PPFIA2: variants seen among roughly 807,000 people sequenced by gnomAD.
PPFIA2 encodes the protein liprin-alpha-2.
Under a neutral mutation model 175.5 loss-of-function variants are expected in PPFIA2, and 46 were observed. The ratio of observed to expected loss-of-function variants is 0.26; its 90% CI spans 0.21 to 0.34. The LOEUF (loss-of-function observed/expected upper bound fraction) is 0.34. Ranked by LOEUF, PPFIA2 falls within the 10% of genes least tolerant of loss-of-function variation. The pLI, the probability that PPFIA2 is intolerant of heterozygous loss-of-function variation, is 1.00. For synonymous variants in PPFIA2, 568 were observed against 511.4 expected (o/e 1.11, Z -1.49); for missense variants, 1,179 against 1,506.1 (o/e 0.78, Z 3.60).
chr12:81,642,059 T>C (rs1287084550), intron 4 of PPFIA2, among the ~76,000 whole-genome samples: 1 of 152,164 alleles, frequency 6.6e-6, no homozygotes, highest in African/African-American at 2.4e-5. Flanking sequence ...TATCAAATAA[T>C]GGAGATGATT....
At chr12:81,490,478 A>G (rs2059311096) in intron 4 of PPFIA2, among the ~76,000 whole-genome samples, 1 of 151,922 alleles carries the variant, frequency 6.6e-6, no homozygotes, top group South Asian at 2.1e-4. Context: ...ACTTCTTCTC[A>G]TTTGAATGTT....
chr12:81,607,883 G>C (rs763968319), intron 4 of PPFIA2, among the ~76,000 whole-genome samples: 1 of 152,034 alleles, frequency 6.6e-6, no homozygotes, highest in African/African-American at 2.4e-5. Context: ...TTTCTCAAGG[G>C]GGACGGTTCT....
chr12:81,383,661 A>G (rs2038283307), intron 9 of PPFIA2, among the ~76,000 whole-genome samples: 1 of 152,162 alleles, frequency 6.6e-6, no homozygotes, highest in South Asian at 2.1e-4. Flanking sequence ...GGAACAATTT[A>G]AGGCATTTTT....
rs533770918 is a variant in PPFIA2, at chr12:81,335,599, C to T, written c.2548+3581G>A. Among the ~76,000 whole-genome samples the T allele has an allele frequency of 5.7e-4, 86 of 152,092 alleles. 1 individual carries two copies. The highest frequency in any genetic ancestry group is 1.2e-3 in the Admixed American group (19 of 15,270). On this transcript the variant is annotated intron_variant, in intron 21 of 32. Coordinates refer to ENST00000549396, the MANE Select transcript of PPFIA2 (RefSeq NM_003625.5). ...TCTCTACTGTAAATACAAAAATTAGCCAGGCATGGTGGTGGGTGCCTGTAA... is the reference window on the plus strand; with the variant it reads ...TCTCTACTGTAAATACAAAAATTAGTCAGGCATGGTGGTGGGTGCCTGTAA...
intron 4 of PPFIA2, among the ~76,000 whole-genome samples, chr12:81,472,328 A>C (rs2056865615): frequency 6.6e-6 from 1 of 152,198 alleles, no homozygotes; most frequent in South Asian, 2.1e-4. Context: ...AATGAATTGC[A>C]TTTTTAATGG....
chr12:81,739,445 A>G (rs1452504486), intron 3 of PPFIA2, among the ~76,000 whole-genome samples: 3 of 152,002 alleles, frequency 2.0e-5, no homozygotes, highest in African/African-American at 4.8e-5. Context: ...TTTAAAATAA[A>G]CTTTTCTATA....
chr12:81,288,306 A>C (rs2044008921), intron 24 of PPFIA2, among the ~76,000 whole-genome samples: 2 of 151,934 alleles, frequency 1.3e-5, no homozygotes, highest in Admixed American at 1.3e-4. Flanking sequence ...TAATTTAAGG[A>C]AACATTCACT....
At chr12:81,748,190 T>C (rs1426469150) in intron 3 of PPFIA2, among the ~76,000 whole-genome samples, 1 of 144,178 alleles carries the variant, frequency 6.9e-6, no homozygotes, top group East Asian at 2.1e-4. Context: ...TCAATTATCT[T>C]TTCTAGTTTT....
chr12:81,296,866 G>A (rs1050562687), intron 23 of PPFIA2: 9 of 151,932 alleles, frequency 5.9e-5, no homozygotes, highest in South Asian at 2.1e-4. Context: ...CCTGATATCC[G>A]TTCCCTTCTA....
At chr12:81,614,648 C>T (rs1031676123) in intron 4 of PPFIA2, among the ~76,000 whole-genome samples, 1 of 152,058 alleles carries the variant, frequency 6.6e-6, no homozygotes, top group Non-Finnish European at 1.5e-5. Flanking sequence ...AGTATTTTCT[C>T]CTAAATTTTA....
intron 7 of PPFIA2, among the ~76,000 whole-genome samples, chr12:81,429,689 C>T (rs2047751119): frequency 1.3e-5 from 2 of 151,848 alleles, no homozygotes; most frequent in African/African-American, 4.8e-5. Context: ...TCTAAGTGGC[C>T]AAAGCAATCA....
chr12:81,545,356 AGTT>A (rs1385244284), intron 4 of PPFIA2: 2 of 152,104 alleles, frequency 1.3e-5, no homozygotes, highest in Non-Finnish European at 2.9e-5. Flanking sequence ...ACCCTGAGGC[AGTT>A]GTTGTTCTCG....
At chr12:81,351,663 C>T (rs117487631) in intron 17 of PPFIA2, among the ~76,000 whole-genome samples, 3,891 of 149,374 alleles carry the variant, frequency 0.026, 83 homozygotes, top group Non-Finnish European at 0.037. Context: ...TTTGGGAGGC[C>T]AAGGCAGGAG....
Position 81,321,055 on chromosome 12 carries a change from C to CAGAGAGAGAGAGAGAG in PPFIA2, c.2642+4706_2642+4721dup, listed in dbSNP as rs376416224. Among the ~76,000 whole-genome samples the CAGAGAGAGAGAGAGAG allele has an allele frequency of 8.5e-4, 127 of 148,756 alleles. 1 individual carries two copies. The highest frequency in any genetic ancestry group is 2.3e-3 in the African/African-American group (91 of 40,440). On this transcript the variant is annotated intron_variant, in intron 22 of 32. Coordinates refer to ENST00000549396, the MANE Select transcript of PPFIA2 (RefSeq NM_003625.5). ...ATAAAGCAAAAATAAATAAATAAAA[C>CAGAGAGAGAGAGAGAG]AGAGAGAGAGAGAGAGAGGAAAAAG...
Position 81,664,683 on chromosome 12 carries a change from C to T in PPFIA2, c.303+12108G>A, listed in dbSNP as rs151134946. ...ACTGTTTGACCCAGCCATCCCATTA[C>T]TGGGTACATACCCAAAGGATTATAA... On this transcript the variant is annotated intron_variant, in intron 4 of 32. Coordinates refer to ENST00000549396, the MANE Select transcript of PPFIA2 (RefSeq NM_003625.5). Among the ~76,000 whole-genome samples the T allele has an allele frequency of 4.1e-3, 630 of 152,198 alleles. 6 individuals are homozygous for T. Among genetic ancestry groups the T allele is most frequent in the African/African-American group, 0.014 (597 of 41,468 alleles).
intron 16 of PPFIA2, among the ~76,000 whole-genome samples, chr12:81,355,442 T>A (rs1158038417): frequency 6.6e-6 from 1 of 152,184 alleles, no homozygotes; most frequent in Non-Finnish European, 1.5e-5. Flanking sequence ...GGCTTCAGCT[T>A]ACAGTCACTA....
At chr12:81,723,200 A>G (rs1016070136) in intron 3 of PPFIA2, among the ~76,000 whole-genome samples, 17 of 150,958 alleles carry the variant, frequency 1.1e-4, no homozygotes, top group African/African-American at 3.9e-4. Context: ...ACCCTTTAAA[A>G]CCTATAATTA....
intron 4 of PPFIA2, among the ~76,000 whole-genome samples, chr12:81,502,847 A>T (rs1306555977): frequency 6.6e-6 from 1 of 152,166 alleles, no homozygotes; most frequent in African/African-American, 2.4e-5. Flanking sequence ...TTATCTAAAT[A>T]ATATCTAAGA....
intron 15 of PPFIA2, among the ~76,000 whole-genome samples, chr12:81,362,005 G>GTATCTATCTATCTATC (rs5799523): frequency 6.8e-6 from 1 of 147,470 alleles, no homozygotes; most frequent in East Asian, 2.0e-4. Context: ...ATGTATCTAT[G>GTATCTATCTATCTATC]TATCTATCTA....
Sources: gnomAD v4.1 joint callset for allele counts (sites outside exome capture counted in the v4.1 genomes callset) on GRCh38, gnomAD v4.1.1 for gene constraint, MANE v1.5 for transcripts, NCBI Gene and HGNC (gene_info 2026-07-23, HGNC 2026-07-21) for gene names.